Variants in CSMD1 observed in about 807,000 individuals in gnomAD.
CSMD1 encodes the protein CUB and sushi domain-containing protein 1.
Under a neutral mutation model 417.5 loss-of-function variants are expected in CSMD1, and 213 were observed. The observed-to-expected ratio is 0.51, with a 90% CI of 0.46 to 0.57. The LOEUF (loss-of-function observed/expected upper bound fraction) is 0.57. Ranked by LOEUF, CSMD1 falls within the 20% of genes least tolerant of loss-of-function variation. The pLI is 0.00. For missense variants in CSMD1, 6,923 were observed against 4,529.7 expected (o/e 1.53, Z -15.17); for synonymous variants, 2,862 against 1,736.8 (o/e 1.65, Z -16.11).
intron 12 of CSMD1, among the ~76,000 whole-genome samples, chr8:3,466,078 A>T (rs1816776823): frequency 6.6e-6 from 1 of 152,226 alleles, no homozygotes; most frequent in African/African-American, 2.4e-5. Context: ...TCTCAAAATT[A>T]AAATGAAAAT....
At chr8:3,040,230 A>C (rs1381394327) in intron 50 of CSMD1, among the ~76,000 whole-genome samples, 2 of 152,000 alleles carry the variant, frequency 1.3e-5, no homozygotes, top group Non-Finnish European at 2.9e-5. Context: ...TCACCACCAA[A>C]ATGTTAATGC....
rs115325447 is a variant in CSMD1 at position 3,805,818 on chromosome 8, C to A, written c.819-51776G>T. On this transcript the variant is annotated intron_variant, in intron 5 of 69. Transcript: ENST00000635120. ...ATTCACTCTGTGCAGAATTACCATT[C>A]AAGCCTTTTCAACTTCCTTTATGAC... Among the ~76,000 whole-genome samples, 372 of 152,278 alleles carry A rather than the reference C, an allele frequency of 2.4e-3. 5 individuals carry two copies. The highest frequency in any genetic ancestry group is 8.4e-3 in the African/African-American group (349 of 41,564).
chr8:4,765,706 G>A (rs1018095547), intron 1 of CSMD1, among the ~76,000 whole-genome samples: 3 of 152,186 alleles, frequency 2.0e-5, no homozygotes, highest in African/African-American at 7.2e-5. Flanking sequence ...TTCAGATTGT[G>A]CCCAATTGGG....
intron 7 of CSMD1, among the ~76,000 whole-genome samples, chr8:3,659,234 A>G (rs1020267730): frequency 6.6e-6 from 1 of 152,228 alleles, no homozygotes; most frequent in African/African-American, 2.4e-5. Flanking sequence ...GAAATTGTGT[A>G]TATTTATTCC....
At chr8:3,287,236 G>C in intron 25 of CSMD1, among the ~76,000 whole-genome samples, 1 of 150,686 alleles carries the variant, frequency 6.6e-6, no homozygotes, top group East Asian at 1.9e-4. Context: ...CAGGTAGGGT[G>C]ATGCCTCCAG....
intron 10 of CSMD1, among the ~76,000 whole-genome samples, chr8:3,531,860 G>T (rs11990879): frequency 0.7 from 106,343 of 151,994 alleles, 37,412 homozygotes; most frequent in East Asian, 0.81. Context: ...GGGCCAGGCC[G>T]GTCCACCATG....
At chr8:4,650,221 T>G (rs1803804571) in intron 1 of CSMD1, among the ~76,000 whole-genome samples, 1 of 151,764 alleles carries the variant, frequency 6.6e-6, no homozygotes, top group East Asian at 1.9e-4. Flanking sequence ...GGCGGGCGCC[T>G]GTAGTCCCAG....
intron 3 of CSMD1, among the ~76,000 whole-genome samples, chr8:4,122,673 C>T (rs764403802): frequency 6.6e-5 from 10 of 152,186 alleles, no homozygotes; most frequent in Non-Finnish European, 1.3e-4. Context: ...AGGGCAGACC[C>T]TCAGGGGCTG....
At chr8:3,881,264 C>T (rs1222230253) in intron 5 of CSMD1, among the ~76,000 whole-genome samples, 2 of 146,604 alleles carry the variant, frequency 1.4e-5, no homozygotes, top group East Asian at 2.0e-4. Flanking sequence ...TTGTTTTTTG[C>T]TTTTTTTTTT....
intron 3 of CSMD1, among the ~76,000 whole-genome samples, chr8:4,064,738 G>C (rs1365278): frequency 0.84 from 127,137 of 152,174 alleles, 53,147 homozygotes; most frequent in Admixed American, 0.88. Flanking sequence ...CTTCACAACC[G>C]AGATCTCTCA....
chr8:3,233,709 T>A lies in CSMD1; in HGVS notation c.4154-3478A>T, dbSNP rs961798031. ...CCGATAAGAATTCCAATTTCTCATG[T>A]AAACTAAGTTGTTTGTAAGTTTTCA... On this transcript the variant is annotated intron_variant, in intron 26 of 69. Coordinates refer to ENST00000635120, the MANE Select transcript of CSMD1 (RefSeq NM_033225.6). Among the ~76,000 whole-genome samples the A allele has an allele frequency of 3.3e-5, 5 of 152,312 alleles. No individual in the cohort carries two copies. The East Asian group carries it at 7.7e-4, about 24-fold the overall frequency.
At chr8:4,728,344 C>T (rs1031610) in intron 1 of CSMD1, among the ~76,000 whole-genome samples, 77,102 of 151,274 alleles carry the variant, frequency 0.51, 22,148 homozygotes, top group East Asian at 0.81. Flanking sequence ...TGCTCATTTG[C>T]TTAAGTAATT....
intron 3 of CSMD1, among the ~76,000 whole-genome samples, chr8:4,389,653 C>T (rs946950138): frequency 4.6e-5 from 7 of 152,122 alleles, no homozygotes; most frequent in African/African-American, 1.7e-4. Flanking sequence ...CACTTCCCTC[C>T]CTAAACTCCA....
At position 3,080,410 on chromosome 8, in the gene CSMD1, G is replaced by C. The variant is rs535664089; in HGVS notation, c.7474+6687C>G. 2.0e-5 allele frequency among the ~76,000 whole-genome samples: 3 copies of C among 152,330 alleles called. No individual in the cohort carries two copies. The South Asian group carries it at 6.2e-4, about 32-fold the overall frequency. ...ATCAAGGTCGATAAGAACCAACAGA[G>C]ATTTTCAGAGAGAAATAATTTAAAA... is the stretch of plus-strand genomic sequence containing the variant. On this transcript the variant is annotated intron_variant, in intron 49 of 69. Transcript: ENST00000635120.
intron 1 of CSMD1, among the ~76,000 whole-genome samples, chr8:4,648,979 G>C (rs1422102394): frequency 4.6e-5 from 7 of 152,310 alleles, no homozygotes; most frequent in African/African-American, 1.7e-4. Context: ...TAGGGCCCTG[G>C]AGTAGTGCCT....
At chr8:3,705,853 G>A (rs1289041970) in intron 7 of CSMD1, among the ~76,000 whole-genome samples, 2 of 152,310 alleles carry the variant, frequency 1.3e-5, no homozygotes, top group Admixed American at 6.5e-5. Flanking sequence ...GGCTTGAAAA[G>A]GAATGAGGCC....
intron 2 of CSMD1, among the ~76,000 whole-genome samples, chr8:4,453,819 T>TTTTTC (rs1799302249): frequency 8.7e-6 from 1 of 115,336 alleles, no homozygotes; most frequent in Non-Finnish European, 1.7e-5. Flanking sequence ...CGTTTCTTTT[T>TTTTTC]TTTTTTTTTT....
At chr8:3,748,986 A>T (rs1396837212) in intron 6 of CSMD1, among the ~76,000 whole-genome samples, 1 of 152,202 alleles carries the variant, frequency 6.6e-6, no homozygotes, top group Non-Finnish European at 1.5e-5. Flanking sequence ...AATCAATGGG[A>T]ATTTCATTTT....
At chr8:4,463,427 A>G (rs1799962773) in intron 2 of CSMD1, among the ~76,000 whole-genome samples, 1 of 152,232 alleles carries the variant, frequency 6.6e-6, no homozygotes, top group South Asian at 2.1e-4. Flanking sequence ...CTAGTTCTAT[A>G]CTTAAAATGT....
Sources: allele counts gnomAD v4.1 joint callset (sites outside exome capture counted in the v4.1 genomes callset), GRCh38; gene constraint gnomAD v4.1.1; transcripts MANE v1.5; gene names NCBI Gene and HGNC (gene_info 2026-07-23, HGNC 2026-07-21).